ATG2A: variants seen among roughly 807,000 people sequenced by gnomAD.
ATG2A encodes the protein autophagy-related protein 2 homolog A.
In ATG2A, 103 loss-of-function variants were observed where a neutral mutation model predicts 214.2. That is an observed-to-expected ratio of 0.48 (90% CI 0.41 to 0.57). The LOEUF (loss-of-function observed/expected upper bound fraction) is 0.57, where lower values mean the gene tolerates loss of function less well. Among genes scored for constraint, ATG2A ranks in the 20% least tolerant of loss-of-function variants. The pLI is 0.00. For missense variants in ATG2A, 2,312 were observed against 2,613.2 expected, an observed-to-expected ratio of 0.88 and a Z score of 2.51; for synonymous variants, 1,160 against 1,142.1, an observed-to-expected ratio of 1.02 and a Z score of -0.32.
At chr11:64,911,703 G>GT in intron 9 of ATG2A, 139 bp downstream of exon 9, 1 of 1,247,830 alleles carries the variant, frequency 8.0e-7, no homozygotes, top group Non-Finnish European at 1.1e-6. Context: ...ACCTTGTTTG[G>GT]TCCCCAGGGA....
intron 12 of ATG2A, among the ~76,000 whole-genome samples, 200 bp downstream of exon 12, chr11:64,910,416 T>C (rs1359153013): frequency 6.6e-6 from 1 of 152,162 alleles, no homozygotes; most frequent in Non-Finnish European, 1.5e-5. Context: ...GGGGGCCATA[T>C]TGAGATAGGG....
rs1044904752 is a variant in ATG2A at position 64,911,119 on chromosome 11, G to A, written c.1385C>T (p.Thr462Ile). 12 of 1,614,126 alleles carry A rather than the reference G, an allele frequency of 7.4e-6. No homozygotes were observed. Among genetic ancestry groups the A allele is most frequent in the Non-Finnish European group, 9.3e-6 (11 of 1,180,018 alleles). Residue 462 changes from threonine to isoleucine, a missense_variant, in exon 10 of 41, where the codon ACC becomes ATC. Physicochemically the swap from Thr to Ile is moderately conservative, Grantham distance 89 (BLOSUM62 -1). Transcript: ENST00000377264. ...ATHFFTEFDA[T>I]KDGPFGSRDF... is the part of the protein sequence containing the mutation. ...TCGGGAACCGAAGGGCCCATCCTTG[G>A]TGGCATCAAACTCGGTGAAAAAGTG...
At chr11:64,907,108 TG>T in intron 19 of ATG2A, 146 bp downstream of exon 19, 1 of 989,752 alleles carries the variant, frequency 1.0e-6, no homozygotes, top group Non-Finnish European at 1.4e-6. Flanking sequence ...TGTGACAGGG[TG>T]GGCAGGCTGG....
rs565875994 is a variant in ATG2A, at chr11:64,911,007, C to A, written c.1466+31G>T. The A allele has an allele frequency of 4.3e-6, 7 of 1,613,692 alleles. No homozygotes were observed. In the South Asian group the frequency reaches 6.6e-5, roughly 15 times the overall value. On this transcript the variant is annotated intron_variant, in intron 10 of 40. Coordinates refer to ENST00000377264, the MANE Select transcript of ATG2A (RefSeq NM_015104.3). ...GGTGCACTTAGGGGGCTCTGATGGT[C>A]TCTCCTCAGGCCCTGGCCTCGGGCT...
intron 21 of ATG2A, 52 bp downstream of exon 21, chr11:64,906,264 TGGGGTCCCACCGCACACC>T (rs1944545376): frequency 1.9e-6 from 3 of 1,606,396 alleles, no homozygotes. Context: ...CACCGCGCAC[TGGGGTCCCACCGCACACC>T]GGGGCTGCAG....
intron 12 of ATG2A, 26 bp downstream of exon 12, chr11:64,910,590 C>T (rs1310167391): frequency 6.3e-7 from 1 of 1,575,812 alleles, no homozygotes; most frequent in Non-Finnish European, 8.6e-7. Flanking sequence ...TGGGGACAGC[C>T]TGGTGGCCTG....
intron 1 of ATG2A, among the ~76,000 whole-genome samples, chr11:64,916,573 C>A (rs1313209060): frequency 1.3e-5 from 2 of 152,142 alleles, no homozygotes; most frequent in East Asian, 3.9e-4. Flanking sequence ...CAGCTTCCCC[C>A]ACCAGCTGCG....
At chr11:64,906,836 C>T (rs1944570783) in intron 19 of ATG2A, 21 bp from the exon 20 acceptor site, 1 of 1,607,352 alleles carries the variant, frequency 6.2e-7, no homozygotes, top group Non-Finnish European at 8.5e-7. Context: ...AGCACACAGC[C>T]TGGCTTCCCC....
chr11:64,916,875 T>G, intron 1 of ATG2A, 90 bp downstream of exon 1: 1 of 1,544,776 alleles, frequency 6.5e-7, no homozygotes, highest in Non-Finnish European at 8.7e-7. Flanking sequence ...GCCCGGTGCC[T>G]GATCCCCCAG....
At position 64,903,595 on chromosome 11, in the gene ATG2A, C is replaced by A; in HGVS notation, c.3530G>T (p.Arg1177Leu). 1 of 1,548,140 alleles carries A rather than the reference C, an allele frequency of 6.5e-7. No homozygotes were observed. The highest frequency in any genetic ancestry group is 1.2e-5 in the South Asian group (1 of 83,998). The change falls in exon 25 of 41, where the codon CGG becomes CTG. Residue 1177 changes from arginine (R) to leucine (L), a missense_variant. Arg to Leu is a moderately radical substitution (Grantham distance 102). Coordinates refer to ENST00000377264, the MANE Select transcript of ATG2A (RefSeq NM_015104.3). The surrounding 1 kb of genome is among the most constrained non-coding windows in gnomAD (Gnocchi z 4.2). ...CCAGTCCCGGCCCTGCCCACCTCGC[C>A]GCAGGTCCAGGGTCTCCACCTCACA... ...DKCEVETLDL[R>L]RDYVCVLDVD...
At chr11:64,900,841 C>A (rs755495758) in intron 30 of ATG2A, 43 bp downstream of exon 30, 33 of 1,539,220 alleles carry the variant, frequency 2.1e-5, no homozygotes, top group Non-Finnish European at 2.5e-5. Context: ...CCAGCCTGAG[C>A]CCCAACCTTC....
chr11:64,914,341 G>T lies in ATG2A; in HGVS notation c.331C>A (p.Pro111Thr). ...CCCAGCCTCGCCCTGCCCTCACCTG[G>T]ACCCCGGCGGGGCTGCAAGGTGAGC... ...LQLTLQPRRG[P>T]APGAADSQSW... The change falls in exon 2 of 41, where the codon CCA becomes ACA. Residue 111 changes from proline to threonine, a missense_variant. Transcript: ENST00000377264. 6.2e-7 allele frequency: 1 copy of T among 1,600,246 alleles called. No individual in the cohort carries two copies. The highest frequency in any genetic ancestry group is 8.5e-7 in the Non-Finnish European group (1 of 1,174,296).
Position 64,902,591 on chromosome 11 carries a change from G to A in ATG2A, c.3702C>T (p.Leu1234=). 6.2e-7 allele frequency: 1 copy of A among 1,608,720 alleles called. No homozygotes were observed. Among genetic ancestry groups the A allele is most frequent in the Non-Finnish European group, 8.5e-7 (1 of 1,179,078 alleles). Residue 1234 remains leucine, a synonymous_variant, in exon 27 of 41, where the codon CTC becomes CTT. Coordinates refer to ENST00000377264, the MANE Select transcript of ATG2A (RefSeq NM_015104.3). ...GATCGCCTGTGCTCATTACGTACTGGAGCAGGTTGACCAGCAGGGCACAGG... is the reference window on the plus strand; with the variant it reads ...GATCGCCTGTGCTCATTACGTACTGAAGCAGGTTGACCAGCAGGGCACAGG... ...ADSCALLVNL[L]QYVMSTGDLH...
intron 36 of ATG2A, 38 bp downstream of exon 36, chr11:64,897,633 G>T: frequency 6.2e-7 from 1 of 1,613,576 alleles, no homozygotes; most frequent in South Asian, 1.1e-5. Flanking sequence ...AGCCACAGCT[G>T]ACCCCACATG....
chr11:64,913,719 C>T lies in ATG2A; in HGVS notation c.590+102G>A. On this transcript the variant is annotated intron_variant, in intron 4 of 40. Transcript: ENST00000377264. The surrounding 1 kb of genome is among the most constrained non-coding windows in gnomAD (Gnocchi z 4.3). ...ACCACCACCGAGGCCCATCCAGATC[C>T]ACCCTGCCTCTTCCCAGGAACCTAG... is the stretch of plus-strand genomic sequence containing the variant. 8.2e-7 allele frequency: 1 copy of T among 1,221,822 alleles called. No individual in the cohort carries two copies. The highest frequency in any genetic ancestry group is 1.2e-6 in the Non-Finnish European group (1 of 851,018). 75.7% of individuals were successfully genotyped at this position (1,221,822 alleles called of 1,614,324 possible).
At chr11:64,911,432 T>G (rs563194378) in intron 9 of ATG2A, among the ~76,000 whole-genome samples, 157 bp from the exon 10 acceptor site, 92 of 152,030 alleles carry the variant, frequency 6.1e-4, no homozygotes, top group South Asian at 1.2e-3. Context: ...CACTGGTGCC[T>G]CCAGTAGACC....
chr11:64,902,608 G>T lies in ATG2A; in HGVS notation c.3685C>A (p.Leu1229Met). Residue 1229 changes from leucine to methionine, a missense_variant, in exon 27 of 41, where the codon CTG becomes ATG. Physicochemically the swap from Leu to Met is conservative, Grantham distance 15. Transcript: ENST00000377264. ...HVHSCADSCA[L>M]LVNLLQYVMS... ...ACGTACTGGAGCAGGTTGACCAGCA[G>T]GGCACAGGAGTCGGCACAGCTGTGC... 1 of 1,610,550 alleles carries T rather than the reference G, an allele frequency of 6.2e-7. No individual in the cohort carries two copies.
chr11:64,906,856 C>A, intron 19 of ATG2A, 41 bp from the exon 20 acceptor site: 1 of 1,588,998 alleles, frequency 6.3e-7, no homozygotes, highest in African/African-American at 1.3e-5. Context: ...CAGCTGCACT[C>A]AGCAACCCTC....
Position 64,911,895 on chromosome 11 carries a change from G to C in ATG2A, c.1175C>G (p.Ser392Cys), listed in dbSNP as rs759660241. The change falls in exon 9 of 41, where the codon TCT (serine) becomes TGT (cysteine). Residue 392 changes from serine (S) to cysteine (C), a missense_variant. Transcript: ENST00000377264. Reference protein sequence around the residue: ...LSLSDVDLASSVRSDMASRRL... With the variant: ...LSLSDVDLASCVRSDMASRRL... ...GCGGGAGGCCATGTCGCTGCGCACAGAGGAGGCCAGGTCTACATCGGAGAG... is the reference window on the plus strand; with the variant it reads ...GCGGGAGGCCATGTCGCTGCGCACACAGGAGGCCAGGTCTACATCGGAGAG... The C allele has an allele frequency of 3.1e-6, 5 of 1,613,638 alleles. No homozygotes were observed. The South Asian group carries it at 5.5e-5, about 18-fold the overall frequency.
Sources: gnomAD v4.1 joint callset for allele counts (sites outside exome capture counted in the v4.1 genomes callset) on GRCh38, gnomAD v4.1.1 for gene constraint, Gnocchi (gnomAD v3.1) non-coding constraint, MANE v1.5 for transcripts, NCBI Gene and HGNC (gene_info 2026-07-23, HGNC 2026-07-21) for gene names.